MMAA: variants seen among roughly 807,000 people sequenced by gnomAD.
MMAA encodes the protein metabolism of cobalamin associated A.
A neutral mutation model predicts 45.0 loss-of-function variants in MMAA; 41 were observed. That is an observed-to-expected ratio of 0.91 (90% CI 0.71 to 1.18). The LOEUF (loss-of-function observed/expected upper bound fraction) is 1.18, where lower values mean the gene tolerates loss of function less well. Among genes scored for constraint, MMAA ranks in the 50% most tolerant of loss-of-function variants. The pLI is 0.00. For missense variants in MMAA, 460 were observed against 495.7 expected (o/e 0.93, Z 0.68); for synonymous variants, 154 against 178.2 (o/e 0.86, Z 1.08).
intron 1 of MMAA, among the ~76,000 whole-genome samples, chr4:145,635,695 C>T (rs775168005): frequency 1.1e-4 from 16 of 152,194 alleles, no homozygotes; most frequent in Non-Finnish European, 1.6e-4. Flanking sequence ...TCTTAGACTA[C>T]ATATGACAAC....
chr4:145,620,230 T>A (rs183493143), intron 1 of MMAA, among the ~76,000 whole-genome samples: 3 of 152,360 alleles, frequency 2.0e-5, no homozygotes, highest in Admixed American at 2.0e-4. Flanking sequence ...ACAAGAGGTT[T>A]TTAAAAAGTC....
chr4:145,620,883 T>G (rs1287892741), intron 1 of MMAA, among the ~76,000 whole-genome samples: 1 of 152,140 alleles, frequency 6.6e-6, no homozygotes, highest in African/African-American at 2.4e-5. Context: ...TAAACTCTCC[T>G]TAGAGGAATT....
At position 145,655,147 on chromosome 4, in the gene MMAA, G is replaced by T. The variant is rs1010220185; in HGVS notation, c.970G>T (p.Val324Leu). Reference sequence around the variant, plus strand: ...GGTCTGGTTCTTCCCTTTTCGATAGGTAATTCGTATTTCTGCCCGAAGTGG... The same window carrying T: ...GGTCTGGTTCTTCCCTTTTCGATAGTTAATTCGTATTTCTGCCCGAAGTGG... ...RKRSQVWKPK[V>L]IRISARSGEG... Residue 324 changes from valine (V) to leucine (L), a missense_variant and splice_region_variant, in exon 7 of 7, where the codon GTA becomes TTA. Val to Leu is a conservative substitution (Grantham distance 32, BLOSUM62 1). Coordinates refer to ENST00000649156, the MANE Select transcript of MMAA (RefSeq NM_172250.3). 1.9e-6 allele frequency: 3 copies of T among 1,613,966 alleles called. No individual in the cohort carries two copies. The highest frequency in any genetic ancestry group is 2.5e-6 in the Non-Finnish European group (3 of 1,179,918).
At chr4:145,635,696 A>G (rs116571779) in intron 1 of MMAA, among the ~76,000 whole-genome samples, 9 of 152,320 alleles carry the variant, frequency 5.9e-5, no homozygotes, top group African/African-American at 1.2e-4. Flanking sequence ...CTTAGACTAC[A>G]TATGACAACA....
chr4:145,643,609 G>A (rs1727848286), intron 3 of MMAA, among the ~76,000 whole-genome samples: 4 of 151,998 alleles, frequency 2.6e-5, no homozygotes, highest in Admixed American at 2.6e-4. Flanking sequence ...AAATTTTTGA[G>A]TCACTATAAT....
At chr4:145,631,730 C>A (rs1727440460) in intron 1 of MMAA, among the ~76,000 whole-genome samples, 1 of 151,982 alleles carries the variant, frequency 6.6e-6, no homozygotes, top group South Asian at 2.1e-4. Flanking sequence ...TTCCTGTCTT[C>A]ATTTTAGTGA....
At chr4:145,634,806 G>A (rs1261334402) in intron 1 of MMAA, among the ~76,000 whole-genome samples, 1 of 151,796 alleles carries the variant, frequency 6.6e-6, no homozygotes, top group Non-Finnish European at 1.5e-5. Flanking sequence ...TTTCTTTAAC[G>A]CAGCAAGTTC....
At chr4:145,638,326 G>A (rs1014566351) in intron 1 of MMAA, among the ~76,000 whole-genome samples, 2 of 152,026 alleles carry the variant, frequency 1.3e-5, no homozygotes. Flanking sequence ...CCGAGATGAC[G>A]CCACTGCACT....
intron 4 of MMAA, among the ~76,000 whole-genome samples, chr4:145,649,187 A>G (rs1454331306): frequency 1.3e-5 from 2 of 151,660 alleles, no homozygotes; most frequent in African/African-American, 2.4e-5. Flanking sequence ...AGTTCCATCT[A>G]TTCAGGAGGC....
intron 1 of MMAA, among the ~76,000 whole-genome samples, chr4:145,634,893 G>T (rs1434207585): frequency 6.6e-6 from 1 of 151,836 alleles, no homozygotes; most frequent in African/African-American, 2.4e-5. Context: ...TCTAACTGGT[G>T]CCCCATCCTG....
At chr4:145,645,953 T>G in intron 3 of MMAA, 33 bp from the exon 4 acceptor site, 1 of 1,611,262 alleles carries the variant, frequency 6.2e-7, no homozygotes, top group East Asian at 2.2e-5. Flanking sequence ...GTAAAACTGT[T>G]CCATGATTAT....
At chr4:145,619,566 ATTGATG>A (rs1448395484) in intron 1 of MMAA, among the ~76,000 whole-genome samples, 159 bp downstream of exon 1, 3 of 152,142 alleles carry the variant, frequency 2.0e-5, no homozygotes, top group Non-Finnish European at 4.4e-5. Flanking sequence ...TTCTCCTAAT[ATTGATG>A]TTCGGGGTGC....
At chr4:145,640,548 T>G (rs2126618353) in intron 2 of MMAA, among the ~76,000 whole-genome samples, 1 of 151,978 alleles carries the variant, frequency 6.6e-6, no homozygotes, top group African/African-American at 2.4e-5. Flanking sequence ...AGAGATGGGG[T>G]CTCATTATGT....
At chr4:145,629,438 T>G (rs575067784) in intron 1 of MMAA, among the ~76,000 whole-genome samples, 1 of 152,322 alleles carries the variant, frequency 6.6e-6, no homozygotes, top group Non-Finnish European at 1.5e-5. Flanking sequence ...TTGAATTCAG[T>G]TTGCTAGTAT....
chr4:145,639,056 A>G lies in MMAA; in HGVS notation c.-65-19A>G, dbSNP rs972108164. The G allele has an allele frequency of 7.9e-7, 1 of 1,268,042 alleles. No individual in the cohort carries two copies. Among genetic ancestry groups the G allele is most frequent in the Non-Finnish European group, 1.2e-6 (1 of 866,914 alleles). The allele number at this position is 1,268,042 out of a possible 1,614,324, so 78.5% of individuals were successfully genotyped here. ...TTAGTTATATATCGAACTGGCTAAC[A>G]TGTTTTTCTTTCTTCTAGGGAGGTC... is the stretch of plus-strand genomic sequence containing the variant. On this transcript the variant is annotated intron_variant, in intron 1 of 6. Coordinates refer to ENST00000649156, the MANE Select transcript of MMAA (RefSeq NM_172250.3).
intron 2 of MMAA, among the ~76,000 whole-genome samples, chr4:145,641,505 G>T (rs185551545): frequency 6.6e-6 from 1 of 152,302 alleles, no homozygotes; most frequent in African/African-American, 2.4e-5. Flanking sequence ...TACATATTTT[G>T]AGTGTAGTTA....
At chr4:145,635,528 G>A (rs1376367518) in intron 1 of MMAA, among the ~76,000 whole-genome samples, 5 of 152,156 alleles carry the variant, frequency 3.3e-5, no homozygotes, top group African/African-American at 4.8e-5. Flanking sequence ...TTAAAACCAG[G>A]TAGAAAATGA....
intron 1 of MMAA, among the ~76,000 whole-genome samples, chr4:145,635,078 G>C (rs755422109): frequency 6.6e-6 from 1 of 152,070 alleles, no homozygotes; most frequent in African/African-American, 2.4e-5. Context: ...ACTGGGTTGT[G>C]TTCCCCCTCC....
At chr4:145,628,273 C>T (rs1734245610) in intron 1 of MMAA, among the ~76,000 whole-genome samples, 1 of 152,168 alleles carries the variant, frequency 6.6e-6, no homozygotes, top group Admixed American at 6.5e-5. Context: ...TTTCCTATAG[C>T]TCTGGTAACA....
Sources: gnomAD v4.1 joint callset for allele counts (sites outside exome capture counted in the v4.1 genomes callset) on GRCh38, gnomAD v4.1.1 for gene constraint, MANE v1.5 for transcripts, NCBI Gene and HGNC (gene_info 2026-07-23, HGNC 2026-07-21) for gene names.